Variants in DLGAP2 observed in about 807,000 individuals in gnomAD.
DLGAP2 encodes the protein DLG associated protein 2, also known as disks large-associated protein 2.
DLGAP2 carries 26 observed loss-of-function variants against 100.3 expected under a neutral mutation model. That is an observed-to-expected ratio of 0.26 (90% CI 0.19 to 0.36). The LOEUF is 0.36. Ranked by LOEUF, DLGAP2 falls within the 10% of genes least tolerant of loss-of-function variation. The pLI is 1.00. For synonymous variants in DLGAP2, 886 were observed against 630.1 expected, an observed-to-expected ratio of 1.41 and a Z score of -6.08; for missense variants, 1,858 against 1,453.2, an observed-to-expected ratio of 1.28 and a Z score of -4.53.
At chr8:1,057,636 G>T (rs1315203131) in intron 2 of DLGAP2, among the ~76,000 whole-genome samples, 1 of 152,320 alleles carries the variant, frequency 6.6e-6, no homozygotes. Context: ...GAGAATGTAA[G>T]CAGGGACCAG....
At chr8:1,622,151 G>C (rs924447582) in intron 6 of DLGAP2, 5 of 152,222 alleles carry the variant, frequency 3.3e-5, no homozygotes, top group Non-Finnish European at 7.3e-5. Flanking sequence ...GCACACGAAT[G>C]TCTGTTTCAC....
chr8:1,574,596 C>T (rs1802887213), intron 6 of DLGAP2, among the ~76,000 whole-genome samples: 1 of 152,224 alleles, frequency 6.6e-6, no homozygotes, highest in Non-Finnish European at 1.5e-5. Context: ...CGAGCAAGCA[C>T]ATTTATTAAA....
intron 2 of DLGAP2, among the ~76,000 whole-genome samples, chr8:1,190,266 G>A (rs1364308521): frequency 6.6e-6 from 1 of 152,168 alleles, no homozygotes; most frequent in Non-Finnish European, 1.5e-5. Context: ...CTCCCCACTT[G>A]CTGTGGTTTA....
chr8:1,415,922 AG>A (rs1249791285), intron 3 of DLGAP2, among the ~76,000 whole-genome samples: 1 of 152,202 alleles, frequency 6.6e-6, no homozygotes, highest in Non-Finnish European at 1.5e-5. Context: ...TCCCACAAAC[AG>A]GGTAGAAACT....
intron 2 of DLGAP2, among the ~76,000 whole-genome samples, chr8:1,177,962 C>T (rs1212830923): frequency 5.3e-5 from 8 of 152,248 alleles, no homozygotes; most frequent in African/African-American, 1.9e-4. Context: ...CAGTGATCGA[C>T]ATCTCCAACA....
intron 2 of DLGAP2, among the ~76,000 whole-genome samples, chr8:1,191,723 T>C (rs1039312045): frequency 2.6e-5 from 4 of 152,234 alleles, no homozygotes; most frequent in African/African-American, 9.6e-5. Context: ...TTTCCACCTC[T>C]GATCACACTT....
chr8:1,234,922 C>T (rs1391377912), intron 2 of DLGAP2, among the ~76,000 whole-genome samples: 1 of 152,216 alleles, frequency 6.6e-6, no homozygotes, highest in Non-Finnish European at 1.5e-5. Flanking sequence ...CTAGTTCTCT[C>T]GCACACAAAG....
chr8:1,533,600 AT>A (rs1214076083), intron 4 of DLGAP2, among the ~76,000 whole-genome samples: 4 of 152,206 alleles, frequency 2.6e-5, no homozygotes, highest in African/African-American at 7.2e-5. Flanking sequence ...TTAAATTTAA[AT>A]TTTAAATTTT....
chr8:768,651 C>T (rs1465397065), intron 1 of DLGAP2, among the ~76,000 whole-genome samples: 1 of 151,838 alleles, frequency 6.6e-6, no homozygotes, highest in African/African-American at 2.4e-5. Context: ...GTCTTGACCT[C>T]CTGACCTCAT....
intron 2 of DLGAP2, among the ~76,000 whole-genome samples, chr8:1,211,411 A>C (rs1230501095): frequency 6.6e-6 from 1 of 152,224 alleles, no homozygotes; most frequent in Admixed American, 6.5e-5. Context: ...TGCAGCAAAA[A>C]GGATTTCGCT....
intron 3 of DLGAP2, among the ~76,000 whole-genome samples, chr8:1,324,671 T>C (rs1180705567): frequency 6.6e-6 from 1 of 152,238 alleles, no homozygotes; most frequent in Non-Finnish European, 1.5e-5. Flanking sequence ...TCCTGTGTCC[T>C]TGAGCCATGT....
At chr8:1,690,951 C>A (rs187744354) in intron 12 of DLGAP2, among the ~76,000 whole-genome samples, 4 of 152,118 alleles carry the variant, frequency 2.6e-5, no homozygotes, top group Admixed American at 2.6e-4. Context: ...CATCTTCCTA[C>A]GTGCTACGAC....
At chr8:844,317 G>A (rs913650200) in intron 1 of DLGAP2, among the ~76,000 whole-genome samples, 6 of 152,146 alleles carry the variant, frequency 3.9e-5, no homozygotes, top group African/African-American at 1.4e-4. Context: ...AAAAAGTTAT[G>A]CCAGTTGTTA....
chr8:828,604 G>A (rs1054999340), intron 1 of DLGAP2, among the ~76,000 whole-genome samples: 1 of 152,036 alleles, frequency 6.6e-6, no homozygotes. Context: ...ATTATTACAG[G>A]GTCCTGAGAC....
At chr8:1,360,973 G>A (rs989444806) in intron 3 of DLGAP2, among the ~76,000 whole-genome samples, 2 of 152,226 alleles carry the variant, frequency 1.3e-5, no homozygotes, top group African/African-American at 4.8e-5. Flanking sequence ...AGGGAAGTGG[G>A]TGATTACAGA....
intron 2 of DLGAP2, among the ~76,000 whole-genome samples, chr8:1,130,869 A>C (rs918851348): frequency 7.2e-6 from 1 of 138,528 alleles, no homozygotes; most frequent in African/African-American, 2.5e-5. Context: ...GCCTCTCTTC[A>C]TAGCATGACC....
chr8:1,187,099 G>C (rs59657814), intron 2 of DLGAP2, among the ~76,000 whole-genome samples: 11,981 of 151,700 alleles, frequency 0.079, 1,391 homozygotes, highest in African/African-American at 0.25. Context: ...GCATCAATAC[G>C]TTCAAAGATG....
Position 1,149,102 on chromosome 8 carries a change from A to C in DLGAP2, c.74-109749A>C, listed in dbSNP as rs1271446233. The stretch of plus-strand genomic sequence containing the variant: ...GTGGGATGTACAAATTCAGATTGTC[A>C]TACCTTCCTGAAAAATTCACTATTT... On this transcript the variant is annotated intron_variant, in intron 2 of 14. Transcript: ENST00000637795. Among the ~76,000 whole-genome samples, 5 of 152,224 alleles carry C rather than the reference A, an allele frequency of 3.3e-5. No homozygotes were observed. In the East Asian group the frequency reaches 5.8e-4, roughly 18 times the overall value.
chr8:1,127,959 C>T (rs1319366826), intron 2 of DLGAP2, among the ~76,000 whole-genome samples: 4 of 152,242 alleles, frequency 2.6e-5, no homozygotes, highest in Admixed American at 2.6e-4. Flanking sequence ...AAAATAGATT[C>T]TCATTTTCCC....
Sources: allele counts gnomAD v4.1 joint callset (sites outside exome capture counted in the v4.1 genomes callset), GRCh38; gene constraint gnomAD v4.1.1; transcripts MANE v1.5; gene names NCBI Gene and HGNC (gene_info 2026-07-23, HGNC 2026-07-21).